Variants in DMRT1 observed in about 807,000 individuals in gnomAD.
DMRT1 encodes doublesex and mab-3 related transcription factor 1, also known as doublesex- and mab-3-related transcription factor 1.
In DMRT1, 7 loss-of-function variants were observed where a neutral mutation model predicts 32.3. That is an observed-to-expected ratio of 0.22 (90% CI 0.12 to 0.41). The LOEUF (loss-of-function observed/expected upper bound fraction) is 0.41. Ranked by LOEUF, DMRT1 falls within the 10% of genes least tolerant of loss-of-function variation. DMRT1 has a pLI of 1.00. For synonymous variants in DMRT1, 278 were observed against 206.1 expected (o/e 1.35, Z -2.99); for missense variants, 625 against 500.5 (o/e 1.25, Z -2.37).
At chr9:899,061 A>G (rs1176916342) in intron 3 of DMRT1, among the ~76,000 whole-genome samples, 2 of 152,140 alleles carry the variant, frequency 1.3e-5, no homozygotes, top group East Asian at 3.8e-4. Flanking sequence ...ATGGTTCACT[A>G]GTCATGTATA....
At chr9:954,988 G>C (rs1819551793) in intron 4 of DMRT1, among the ~76,000 whole-genome samples, 1 of 152,200 alleles carries the variant, frequency 6.6e-6, no homozygotes, top group Non-Finnish European at 1.5e-5. Context: ...AAGAAGTCAG[G>C]GAAAGAGATA....
chr9:855,205 C>G (rs1479340529), intron 2 of DMRT1, among the ~76,000 whole-genome samples: 1 of 151,968 alleles, frequency 6.6e-6, no homozygotes, highest in Admixed American at 6.6e-5. Flanking sequence ...TTTAATAAAG[C>G]AATTATGAAA....
chr9:855,948 G>C lies in DMRT1; in HGVS notation c.538+8805G>C, dbSNP rs188912038. On this transcript the variant is annotated intron_variant, in intron 2 of 4. Transcript: ENST00000382276. Reference sequence around the variant, plus strand: ...AATTTTTTTTTTGAGATGAAGTCTTGCTCTGTCACCCAGGCTGGAGTGCAA... The same window carrying C: ...AATTTTTTTTTTGAGATGAAGTCTTCCTCTGTCACCCAGGCTGGAGTGCAA... 4.1e-3 allele frequency among the ~76,000 whole-genome samples: 620 copies of C among 151,168 alleles called. 6 individuals are homozygous for C. The highest frequency in any genetic ancestry group is 0.014 in the African/African-American group (592 of 41,072).
At chr9:848,276 T>A (rs1325461252) in intron 2 of DMRT1, among the ~76,000 whole-genome samples, 1 of 152,186 alleles carries the variant, frequency 6.6e-6, no homozygotes, top group Non-Finnish European at 1.5e-5. Context: ...GGCCTTTTTT[T>A]CCTCTTGTCA....
At chr9:948,588 G>A (rs1321746511) in intron 4 of DMRT1, among the ~76,000 whole-genome samples, 1 of 150,206 alleles carries the variant, frequency 6.7e-6, no homozygotes, top group African/African-American at 2.4e-5. Flanking sequence ...CTGTGTTGGG[G>A]CCCAGAAGGC....
intron 3 of DMRT1, among the ~76,000 whole-genome samples, chr9:897,026 G>T (rs1289326554): frequency 6.6e-6 from 1 of 151,670 alleles, no homozygotes; most frequent in African/African-American, 2.4e-5. Context: ...ATATTAAAAT[G>T]TCAATTTTAA....
At chr9:879,877 C>A (rs1046418188) in intron 2 of DMRT1, among the ~76,000 whole-genome samples, 1 of 152,154 alleles carries the variant, frequency 6.6e-6, no homozygotes, top group East Asian at 1.9e-4. Flanking sequence ...TGTACAACTT[C>A]CAAATGTTGA....
chr9:862,850 T>C (rs1037509905), intron 2 of DMRT1, among the ~76,000 whole-genome samples: 3 of 152,010 alleles, frequency 2.0e-5, no homozygotes, highest in African/African-American at 7.2e-5. Flanking sequence ...CGTGGTCAGG[T>C]GAATAACGGC....
chr9:917,598 A>G (rs533048338), intron 4 of DMRT1, among the ~76,000 whole-genome samples: 70 of 152,338 alleles, frequency 4.6e-4, no homozygotes, highest in Non-Finnish European at 8.5e-4. Flanking sequence ...TGAGAAACAT[A>G]CACAATAGGC....
intron 2 of DMRT1, among the ~76,000 whole-genome samples, chr9:893,028 T>A (rs934957807): frequency 6.6e-6 from 1 of 152,178 alleles, no homozygotes; most frequent in Non-Finnish European, 1.5e-5. Flanking sequence ...CATCTCTGTT[T>A]CCTCTGACTT....
intron 4 of DMRT1, among the ~76,000 whole-genome samples, chr9:956,273 A>T (rs967560527): frequency 6.6e-6 from 1 of 152,160 alleles, no homozygotes; most frequent in African/African-American, 2.4e-5. Context: ...TTGAGGGGAG[A>T]AGAGGATGGA....
chr9:851,490 G>A (rs375633037), intron 2 of DMRT1, among the ~76,000 whole-genome samples: 1 of 152,092 alleles, frequency 6.6e-6, no homozygotes, highest in East Asian at 1.9e-4. Context: ...TGCCCGCCTC[G>A]GCCTCCCAAA....
intron 4 of DMRT1, among the ~76,000 whole-genome samples, chr9:948,784 G>A (rs909186703): frequency 1.4e-4 from 21 of 151,832 alleles, no homozygotes; most frequent in Admixed American, 7.2e-4. Context: ...AGGCTGGCGC[G>A]GTAGCTTATG....
At chr9:964,999 A>C (rs1819888696) in intron 4 of DMRT1, among the ~76,000 whole-genome samples, 1 of 152,200 alleles carries the variant, frequency 6.6e-6, no homozygotes, top group African/African-American at 2.4e-5. Flanking sequence ...AGCGAAAAGC[A>C]TCATTTAGAT....
At chr9:867,219 G>C (rs1180755044) in intron 2 of DMRT1, among the ~76,000 whole-genome samples, 1 of 152,188 alleles carries the variant, frequency 6.6e-6, no homozygotes. Context: ...TAATAAGGGT[G>C]ATTAAGCAAA....
At chr9:861,136 T>C (rs1393294963) in intron 2 of DMRT1, among the ~76,000 whole-genome samples, 1 of 148,216 alleles carries the variant, frequency 6.7e-6, no homozygotes, top group East Asian at 2.0e-4. Flanking sequence ...CATAGGACAA[T>C]AGTGGAGGGA....
At chr9:890,327 G>C (rs1421293178) in intron 2 of DMRT1, among the ~76,000 whole-genome samples, 2 of 152,138 alleles carry the variant, frequency 1.3e-5, no homozygotes, top group Admixed American at 6.5e-5. Context: ...CTCCAGACTT[G>C]GGGGTGTGGA....
intron 4 of DMRT1, among the ~76,000 whole-genome samples, chr9:925,251 T>A (rs1474990128): frequency 1.3e-5 from 2 of 152,184 alleles, no homozygotes; most frequent in Admixed American, 1.3e-4. Flanking sequence ...AACTGTGGAA[T>A]CTTTTCTGTT....
intron 4 of DMRT1, among the ~76,000 whole-genome samples, chr9:928,883 G>A (rs1223654485): frequency 2.0e-5 from 3 of 151,046 alleles, no homozygotes; most frequent in Admixed American, 2.0e-4. Context: ...TTGTGCCCAG[G>A]CTGGAGTGCA....
Sources: allele counts gnomAD v4.1 joint callset (sites outside exome capture counted in the v4.1 genomes callset), GRCh38; gene constraint gnomAD v4.1.1; transcripts MANE v1.5; gene names NCBI Gene and HGNC (gene_info 2026-07-23, HGNC 2026-07-21).